The following NAV2 variants were observed in gnomAD, a reference collection of about 807,000 sequenced individuals.
The protein encoded by NAV2 is neuron navigator 2.
NAV2 carries 54 observed loss-of-function variants against 223.2 expected under a neutral mutation model. That is an observed-to-expected ratio of 0.24 (90% confidence interval 0.19 to 0.30). The LOEUF is 0.30. Ranked by LOEUF, NAV2 falls within the 10% of genes least tolerant of loss-of-function variation. NAV2 has a pLI of 1.00. For synonymous variants in NAV2, 1,279 were observed against 1,239.3 expected, an observed-to-expected ratio of 1.03 and a Z score of -0.67; for missense variants, 2,806 against 3,147.5, an observed-to-expected ratio of 0.89 and a Z score of 2.60.
chr11:19,632,259 T>C (rs2047367488), intron 1 of NAV2, among the ~76,000 whole-genome samples: 2 of 152,348 alleles, frequency 1.3e-5, no homozygotes, highest in Non-Finnish European at 2.9e-5. Context: ...ACAGGATTGG[T>C]CTTTTTTCTA....
At chr11:19,979,532 A>T (rs2050115601) in intron 10 of NAV2, among the ~76,000 whole-genome samples, 1 of 151,296 alleles carries the variant, frequency 6.6e-6, no homozygotes, top group African/African-American at 2.4e-5. Flanking sequence ...TGGCTGGCAA[A>T]CTCCTCCGCA....
intron 1 of NAV2, among the ~76,000 whole-genome samples, chr11:19,807,409 G>A (rs1306317925): frequency 3.9e-5 from 6 of 152,204 alleles, no homozygotes; most frequent in Non-Finnish European, 7.3e-5. Flanking sequence ...CTGGTTTCCT[G>A]TTCTGCTAAA....
intron 1 of NAV2, among the ~76,000 whole-genome samples, chr11:19,476,567 A>G (rs535857334): frequency 2.6e-4 from 40 of 152,084 alleles, no homozygotes; most frequent in Non-Finnish European, 4.7e-4. Context: ...GGTGGGGGGC[A>G]GTTTTTCCCC....
chr11:20,006,534 G>A (rs535798301), intron 11 of NAV2, among the ~76,000 whole-genome samples: 33 of 152,222 alleles, frequency 2.2e-4, no homozygotes, highest in Admixed American at 2.1e-3. Context: ...AATTAGCCAG[G>A]TGTGGTGGCA....
At chr11:19,739,260 A>T (rs1034875926) in intron 1 of NAV2, among the ~76,000 whole-genome samples, 3 of 152,252 alleles carry the variant, frequency 2.0e-5, no homozygotes, top group Admixed American at 6.5e-5. Context: ...TAAAATTTAA[A>T]ATCATTTATT....
At chr11:19,417,990 G>C (rs1487367827) in intron 1 of NAV2, among the ~76,000 whole-genome samples, 1 of 152,044 alleles carries the variant, frequency 6.6e-6, no homozygotes, top group Non-Finnish European at 1.5e-5. Context: ...TCTAGGGGAG[G>C]GATAGCATTA....
At chr11:19,960,800 T>C (rs2048298193) in intron 10 of NAV2, among the ~76,000 whole-genome samples, 1 of 151,934 alleles carries the variant, frequency 6.6e-6, no homozygotes, top group South Asian at 2.1e-4. Flanking sequence ...CCTTAGTAGA[T>C]GGGGTTTCAC....
At chr11:19,897,059 A>C (rs536621262) in intron 6 of NAV2, among the ~76,000 whole-genome samples, 1 of 152,126 alleles carries the variant, frequency 6.6e-6, no homozygotes, top group Non-Finnish European at 1.5e-5. Flanking sequence ...AGCCATAAAA[A>C]ATGATGAGTT....
chr11:19,606,222 A>G (rs537149500), intron 1 of NAV2, among the ~76,000 whole-genome samples: 1 of 152,350 alleles, frequency 6.6e-6, no homozygotes, highest in Admixed American at 6.5e-5. Flanking sequence ...GCCTGAGCCT[A>G]CTTACTGGTT....
intron 1 of NAV2, among the ~76,000 whole-genome samples, chr11:19,597,941 C>G (rs1439531814): frequency 6.6e-6 from 1 of 152,242 alleles, no homozygotes; most frequent in African/African-American, 2.4e-5. Context: ...TGGGGCCCTG[C>G]TCTCAAGGGC....
intron 1 of NAV2, among the ~76,000 whole-genome samples, chr11:19,417,204 A>G (rs1850408902): frequency 6.6e-6 from 1 of 152,206 alleles, no homozygotes; most frequent in South Asian, 2.1e-4. Context: ...CCGTCTGACA[A>G]AGGGCTAGTG....
intron 3 of NAV2, among the ~76,000 whole-genome samples, chr11:19,851,873 C>A (rs2061157860): frequency 1.3e-5 from 2 of 150,894 alleles, no homozygotes; most frequent in African/African-American, 2.4e-5. Context: ...TGGGCAGGCC[C>A]AATGTGATTA....
chr11:19,986,994 T>C (rs2050852267), intron 11 of NAV2, among the ~76,000 whole-genome samples: 1 of 152,230 alleles, frequency 6.6e-6, no homozygotes, highest in South Asian at 2.1e-4. Flanking sequence ...TAGTTTTAGA[T>C]GGCAGATAGG....
rs1392830969 is a variant in NAV2, at chr11:20,120,897, C to T, written c.*2639C>T. ...CTCTATCGGAAATGCTTCCATTTTGCCTTTTCTACAGTTAGGCCAATTTTG... is the reference window on the plus strand; with the variant it reads ...CTCTATCGGAAATGCTTCCATTTTGTCTTTTCTACAGTTAGGCCAATTTTG... On this transcript the variant is annotated 3_prime_UTR_variant, in exon 38 of 38. Coordinates refer to ENST00000349880, the MANE Select transcript of NAV2 (RefSeq NM_145117.5). The T allele has an allele frequency of 6.6e-6, 1 of 152,594 alleles. No individual in the cohort carries two copies. The highest frequency in any genetic ancestry group is 2.4e-5 in the African/African-American group (1 of 41,440). The allele number at this position is 152,594 out of a possible 1,614,324, so 9.5% of individuals were successfully genotyped here. A position where few individuals can be genotyped will look rare whatever the true frequency, so the allele number is the denominator to read the frequency against.
chr11:19,984,691 G>A (rs560061824), intron 11 of NAV2, among the ~76,000 whole-genome samples: 6 of 152,306 alleles, frequency 3.9e-5, no homozygotes, highest in Non-Finnish European at 7.4e-5. Flanking sequence ...CCTGTTGCAT[G>A]GTAATAGGAG....
Position 19,412,134 on chromosome 11 carries a change from C to T in NAV2, c.75+61107C>T, listed in dbSNP as rs999007004. Among the ~76,000 whole-genome samples the T allele has an allele frequency of 4.6e-5, 7 of 152,266 alleles. No individual in the cohort carries two copies. The East Asian group carries it at 9.7e-4, about 21-fold the overall frequency. On this transcript the variant is annotated intron_variant, in intron 1 of 37. Coordinates refer to the NAV2 transcript ENST00000360655. ...GGAGACAAGTGGTCTAGCTCAGCAG[C>T]TCCCACCCCCACAGAGCCCAGCAAG...
At chr11:19,666,576 CT>C (rs2048416746) in intron 1 of NAV2, among the ~76,000 whole-genome samples, 1 of 152,124 alleles carries the variant, frequency 6.6e-6, no homozygotes, top group Non-Finnish European at 1.5e-5. Context: ...GATTGTGGAG[CT>C]TGGGGATGTC....
intron 19 of NAV2, among the ~76,000 whole-genome samples, chr11:20,059,359 ACTCCTG>A (rs929617913): frequency 6.6e-6 from 1 of 151,990 alleles, no homozygotes; most frequent in Non-Finnish European, 1.5e-5. Flanking sequence ...AACGGTGGAA[ACTCCTG>A]CCTAGTCTGG....
chr11:19,455,339 C>T (rs958531207), intron 1 of NAV2, among the ~76,000 whole-genome samples: 7 of 152,116 alleles, frequency 4.6e-5, no homozygotes, highest in Non-Finnish European at 1.0e-4. Flanking sequence ...TTACCATATC[C>T]CTAGCACCTA....
Sources: gnomAD v4.1 joint callset for allele counts (sites outside exome capture counted in the v4.1 genomes callset) on GRCh38, gnomAD v4.1.1 for gene constraint, MANE v1.5 for transcripts, NCBI Gene and HGNC (gene_info 2026-07-23, HGNC 2026-07-21) for gene names.